Variants in USP30 observed in about 807,000 individuals in gnomAD.
USP30 encodes the protein ubiquitin specific peptidase 30.
In USP30, 41 loss-of-function variants were observed where a neutral mutation model predicts 68.2. The ratio of observed to expected loss-of-function variants is 0.60; its 90% CI spans 0.47 to 0.78. The LOEUF (loss-of-function observed/expected upper bound fraction) is 0.78, where lower values mean the gene tolerates loss of function less well. USP30 is among the 30% of genes least tolerant of loss of function. The pLI is 0.00. For missense variants in USP30, 522 were observed against 649.4 expected (o/e 0.80, Z 2.13); for synonymous variants, 229 against 253.7 (o/e 0.90, Z 0.93).
At chr12:109,034,862 CATT>C (rs1234030505) in intron 3 of USP30, among the ~76,000 whole-genome samples, 5 of 151,612 alleles carry the variant, frequency 3.3e-5, no homozygotes, top group Non-Finnish European at 1.5e-5. Context: ...GCTCTTTTAT[CATT>C]ATAAAGATTT....
chr12:109,067,462 A>C (rs1187483505), intron 3 of USP30, 62 bp from the exon 4 acceptor site: 17 of 1,453,640 alleles, frequency 1.2e-5, no homozygotes, highest in Admixed American at 1.7e-5. Flanking sequence ...ATACTGTGCA[A>C]GTTTTCTGGT....
chr12:109,067,107 A>ATTTTTTTT (rs754748366), intron 3 of USP30, among the ~76,000 whole-genome samples: 8 of 104,582 alleles, frequency 7.6e-5, no homozygotes, highest in East Asian at 2.7e-4. Flanking sequence ...ACAGTCCTTA[A>ATTTTTTTT]TTTTTTTTTT....
intron 3 of USP30, among the ~76,000 whole-genome samples, chr12:109,031,798 TC>T (rs764760313): frequency 5.3e-5 from 8 of 152,214 alleles, no homozygotes; most frequent in Admixed American, 2.6e-4. Flanking sequence ...TCAAAAGTAG[TC>T]ACTCATAGAA....
chr12:109,045,923 G>A (rs2040600559), intron 3 of USP30, among the ~76,000 whole-genome samples: 1 of 152,078 alleles, frequency 6.6e-6, no homozygotes, highest in African/African-American at 2.4e-5. Context: ...TATAGATATA[G>A]GAGTGAGCCT....
intron 3 of USP30, among the ~76,000 whole-genome samples, chr12:109,029,888 G>T (rs747485224): frequency 6.6e-6 from 1 of 152,026 alleles, no homozygotes; most frequent in African/African-American, 2.4e-5. Flanking sequence ...AACATTAATG[G>T]TACCCTATCT....
intron 1 of USP30, among the ~76,000 whole-genome samples, chr12:109,053,235 T>A (rs2040729580): frequency 6.6e-6 from 1 of 152,120 alleles, no homozygotes; most frequent in South Asian, 2.1e-4. Context: ...AGCCCCGCGT[T>A]TTGTTAGTAC....
chr12:109,056,798 A>G lies in USP30; in HGVS notation c.193+7A>G. 6.3e-7 allele frequency: 1 copy of G among 1,592,372 alleles called. No individual in the cohort carries two copies. Among genetic ancestry groups the G allele is most frequent in the East Asian group, 2.2e-5 (1 of 44,616 alleles). On this transcript the variant is annotated splice_region_variant and intron_variant, in intron 2 of 12. Coordinates refer to ENST00000257548, the MANE Select transcript of USP30 (RefSeq NM_032663.5). ...AGAAAGAAGCGTAGAAAAGGTAAGA[A>G]TGAGAACACTGCATCATGGTCTGTA...
Position 109,086,645 on chromosome 12 carries a change from T to G in USP30, c.*714T>G, listed in dbSNP as rs980062597. On this transcript the variant is annotated 3_prime_UTR_variant, in exon 13 of 13. Coordinates refer to ENST00000257548, the MANE Select transcript of USP30 (RefSeq NM_032663.5). ...TTATCTTTTGTATATTGGACTGAGATGTAATTACACTGTATTATAAAACTC... is the reference window on the plus strand; with the variant it reads ...TTATCTTTTGTATATTGGACTGAGAGGTAATTACACTGTATTATAAAACTC... The G allele has an allele frequency of 6.6e-6, 1 of 152,322 alleles. No individual in the cohort carries two copies. 9.4% of individuals were successfully genotyped at this position (152,322 alleles called of 1,614,324 possible).
intron 3 of USP30, among the ~76,000 whole-genome samples, chr12:109,028,994 T>G (rs1005346461): frequency 3.3e-5 from 5 of 152,232 alleles, no homozygotes; most frequent in Admixed American, 3.3e-4. Context: ...GATGTATAAT[T>G]AAAATGTTGG....
chr12:109,065,661 T>A (rs2041226297), intron 3 of USP30, among the ~76,000 whole-genome samples: 1 of 152,198 alleles, frequency 6.6e-6, no homozygotes, highest in African/African-American at 2.4e-5. Flanking sequence ...TGCCTACCAT[T>A]CTGTTGTAAA....
At position 109,072,295 on chromosome 12, in the gene USP30, TCC is replaced by T; in HGVS notation, c.580-7_580-6del. On this transcript the variant is annotated splice_polypyrimidine_tract_variant and splice_region_variant and intron_variant, in intron 5 of 12. Coordinates refer to ENST00000257548, the MANE Select transcript of USP30 (RefSeq NM_032663.5). ...GTTTTCAGTCTGTTTTTTTTTTTTC[TCC>T]CCTACAGCAGCAGTCAGAAATAACT... is the stretch of plus-strand genomic sequence containing the variant. 6.2e-7 allele frequency: 1 copy of T among 1,607,560 alleles called. No individual in the cohort carries two copies. The highest frequency in any genetic ancestry group is 8.5e-7 in the Non-Finnish European group (1 of 1,175,110).
chr12:109,037,928 T>A (rs1273772676), intron 3 of USP30, among the ~76,000 whole-genome samples: 1 of 152,200 alleles, frequency 6.6e-6, no homozygotes, highest in East Asian at 1.9e-4. Context: ...GCTGCACATG[T>A]GTATGTCCTT....
chr12:109,060,664 C>CT (rs1021870697), intron 3 of USP30, among the ~76,000 whole-genome samples: 24 of 151,118 alleles, frequency 1.6e-4, no homozygotes, highest in African/African-American at 4.4e-4. Context: ...GAGTTCTTTC[C>CT]TTTTTTTTTG....
chr12:109,078,151 T>C (rs1035655207), intron 7 of USP30, among the ~76,000 whole-genome samples: 2 of 151,852 alleles, frequency 1.3e-5, no homozygotes, highest in Non-Finnish European at 2.9e-5. Flanking sequence ...ACCAGCCAGG[T>C]GCTGTGGCTC....
Position 109,085,035 on chromosome 12 carries a change from G to A in USP30, c.1251G>A (p.Ala417=), listed in dbSNP as rs760664820. The A allele has an allele frequency of 1.1e-4, 179 of 1,602,672 alleles. No individual in the cohort carries two copies. The highest frequency in any genetic ancestry group is 1.6e-4 in the South Asian group (14 of 89,026). ...CATCTTTATTGCCAACGCTGTCAGC[G>A]CCGATGCCCTTCCCTCTCCCAGTTG... ...CSPSLLPTLS[A]PMPFPLPVVP... is the part of the protein sequence containing the mutation. The change falls in exon 12 of 13, where the codon GCG becomes GCA. Residue 417 remains alanine (A), a synonymous_variant. Coordinates refer to ENST00000257548, the MANE Select transcript of USP30 (RefSeq NM_032663.5).
chr12:109,072,769 A>G (rs902390482), intron 6 of USP30, among the ~76,000 whole-genome samples: 1 of 152,234 alleles, frequency 6.6e-6, no homozygotes, highest in Non-Finnish European at 1.5e-5. Flanking sequence ...TCTGTGTAGT[A>G]ATAGGAACAA....
intron 3 of USP30, among the ~76,000 whole-genome samples, chr12:109,066,669 A>G (rs2041262817): frequency 6.6e-6 from 1 of 152,222 alleles, no homozygotes. Flanking sequence ...TGGGCGACAG[A>G]GCACGACTCT....
intron 3 of USP30, among the ~76,000 whole-genome samples, chr12:109,037,684 T>C (rs2040531595): frequency 6.6e-6 from 1 of 152,196 alleles, no homozygotes; most frequent in Admixed American, 6.5e-5. Context: ...GATAGCTTAG[T>C]GGTCAGCTAA....
chr12:109,084,938 CT>C lies in USP30; in HGVS notation c.1169-10del. 7.1e-6 allele frequency: 11 copies of C among 1,555,398 alleles called. No individual in the cohort carries two copies. The highest frequency in any genetic ancestry group is 2.4e-5 in the South Asian group (2 of 83,908). On this transcript the variant is annotated splice_polypyrimidine_tract_variant and intron_variant, in intron 11 of 12. Coordinates refer to ENST00000257548, the MANE Select transcript of USP30 (RefSeq NM_032663.5). ...ACTGCTAATTTTCATTGACTCGGGC[CT>C]TTTTCTCTTGCAGTTCTGAATCAGC...
Sources: allele counts gnomAD v4.1 joint callset (sites outside exome capture counted in the v4.1 genomes callset), GRCh38; gene constraint gnomAD v4.1.1; transcripts MANE v1.5; gene names NCBI Gene and HGNC (gene_info 2026-07-23, HGNC 2026-07-21).